The following TBX20 variants were observed in gnomAD, a reference collection of about 807,000 sequenced individuals.
TBX20 encodes the protein T-box transcription factor TBX20.
A neutral mutation model predicts 42.9 loss-of-function variants in TBX20; 8 were observed. The ratio of observed to expected loss-of-function variants is 0.19; its 90% CI spans 0.11 to 0.34. The LOEUF is 0.34. Among genes scored for constraint, TBX20 ranks in the 10% least tolerant of loss-of-function variants. The pLI is 1.00. For missense variants in TBX20, 411 were observed against 566.0 expected (o/e 0.73, Z 2.78); for synonymous variants, 198 against 222.8 (o/e 0.89, Z 0.99).
At chr7:35,240,701 A>G (rs1327052484) in intron 5 of TBX20, among the ~76,000 whole-genome samples, 178 bp downstream of exon 5, 5 of 150,996 alleles carry the variant, frequency 3.3e-5, no homozygotes, top group Non-Finnish European at 5.9e-5. Context: ...TCTAGAAACT[A>G]TAGTGTAATA....
chr7:35,253,696 C>T lies in TBX20; in HGVS notation c.-76G>A. 2 of 1,563,284 alleles carry T rather than the reference C, an allele frequency of 1.3e-6. No homozygotes were observed. The highest frequency in any genetic ancestry group is 8.6e-7 in the Non-Finnish European group (1 of 1,158,810). Reference sequence around the variant, plus strand: ...CCAGATTCCCCAAGGGAGACAAAGACCCGAAACACAGCTCAAAGTTTCCGA... The same window carrying T: ...CCAGATTCCCCAAGGGAGACAAAGATCCGAAACACAGCTCAAAGTTTCCGA... On this transcript the variant is annotated 5_prime_UTR_variant, in exon 1 of 8. Transcript: ENST00000408931.
At chr7:35,245,349 T>TGTGTG (rs1554287409) in intron 3 of TBX20, among the ~76,000 whole-genome samples, 1 of 151,398 alleles carries the variant, frequency 6.6e-6, no homozygotes, top group Non-Finnish European at 1.5e-5. Context: ...TGTGTGTGTG[T>TGTGTG]TTTCATCTAT....
At chr7:35,210,358 A>G (rs1584340861) in intron 6 of TBX20, among the ~76,000 whole-genome samples, 1 of 151,506 alleles carries the variant, frequency 6.6e-6, no homozygotes, top group African/African-American at 2.4e-5. Flanking sequence ...CTCATGATCC[A>G]CCTGCCTCAG....
intron 3 of TBX20, among the ~76,000 whole-genome samples, chr7:35,248,026 CAAGAGTAA>C (rs1790228744): frequency 6.6e-6 from 1 of 152,086 alleles, no homozygotes; most frequent in African/African-American, 2.4e-5. Context: ...ATGAATTTCA[CAAGAGTAA>C]ATATGCATGA....
At chr7:35,248,247 ATACT>A (rs1199014247) in intron 3 of TBX20, among the ~76,000 whole-genome samples, 2 of 152,224 alleles carry the variant, frequency 1.3e-5, no homozygotes, top group African/African-American at 2.4e-5. Context: ...TGATTAACAA[ATACT>A]TACTGTAAGC....
intron 5 of TBX20, among the ~76,000 whole-genome samples, chr7:35,233,783 C>G (rs567583586): frequency 3.1e-4 from 47 of 152,350 alleles, no homozygotes; most frequent in African/African-American, 1.1e-3. Flanking sequence ...CGTTCTACTT[C>G]TGCAGTACTT....
At chr7:35,229,637 T>C (rs1789834679) in intron 6 of TBX20, among the ~76,000 whole-genome samples, 1 of 152,222 alleles carries the variant, frequency 6.6e-6, no homozygotes, top group Non-Finnish European at 1.5e-5. Context: ...TCTGCCGTTG[T>C]AAAGAGCAGT....
rs1444818466 is a variant in TBX20 at position 35,253,743 on chromosome 7, G to A, written c.-123C>T. 3.8e-6 allele frequency: 5 copies of A among 1,324,512 alleles called. No individual in the cohort carries two copies. The highest frequency in any genetic ancestry group is 1.4e-5 in the South Asian group (1 of 71,878). 82.0% of individuals were successfully genotyped at this position (1,324,512 alleles called of 1,614,324 possible). On this transcript the variant is annotated 5_prime_UTR_variant, in exon 1 of 8. Transcript: ENST00000408931. ...CCGAGAGCAGTCACAGCGGGGCCAG[G>A]GACTCCAGAAGTGTCAGCTCCAACG...
intron 6 of TBX20, among the ~76,000 whole-genome samples, chr7:35,220,867 A>G (rs967104297): frequency 1.3e-5 from 2 of 152,268 alleles, no homozygotes; most frequent in Non-Finnish European, 2.9e-5. Flanking sequence ...AGATTTAAGA[A>G]GACCCTGTAT....
rs1297985199 is a variant in TBX20, at chr7:35,248,754, G to A, written c.468C>T (p.Asp156=). Residue 156 remains aspartate, a synonymous_variant, in exon 3 of 8, where the codon GAC becomes GAT. Transcript: ENST00000408931. ...GGTAGGCGTAGCGGTACCTCTTGTT[G>A]TCCACAGGGACGATGTCCATCAGGA... ...YIVLMDIVPV[D]NKRYRYAYHR... 5 of 1,614,124 alleles carry A rather than the reference G, an allele frequency of 3.1e-6. No homozygotes were observed. In the South Asian group the frequency reaches 5.5e-5, roughly 18 times the overall value.
intron 6 of TBX20, among the ~76,000 whole-genome samples, chr7:35,213,152 T>C (rs1235552501): frequency 6.6e-6 from 1 of 152,222 alleles, no homozygotes; most frequent in Admixed American, 6.5e-5. Flanking sequence ...TGTTGCCTGA[T>C]ATCCAGTGTC....
chr7:35,219,659 C>G (rs1452677656), intron 6 of TBX20, among the ~76,000 whole-genome samples: 1 of 152,244 alleles, frequency 6.6e-6, no homozygotes, highest in Non-Finnish European at 1.5e-5. Context: ...AACCAAACAC[C>G]ACTTTCTTTC....
intron 5 of TBX20, among the ~76,000 whole-genome samples, chr7:35,232,449 A>G (rs1789885150): frequency 6.6e-6 from 1 of 152,256 alleles, no homozygotes; most frequent in Non-Finnish European, 1.5e-5. Flanking sequence ...TGGAATTGTT[A>G]GAGCTGAAAG....
Position 35,253,784 on chromosome 7 carries a change from A to G in TBX20, c.-164T>C, listed in dbSNP as rs547525321. 3.5e-5 allele frequency: 29 copies of G among 825,440 alleles called. 1 individual carries two copies. The South Asian group carries it at 4.4e-4, about 13-fold the overall frequency. 51.1% of individuals were successfully genotyped at this position (825,440 alleles called of 1,614,324 possible). A position where few individuals can be genotyped will look rare whatever the true frequency, so the allele number is the denominator to read the frequency against. The stretch of plus-strand genomic sequence containing the variant: ...AGCTCCAACGACTCCAGAGCTGCAC[A>G]CTGGCCTCTATTCCCCACCGCAAAG... On this transcript the variant is annotated 5_prime_UTR_variant, in exon 1 of 8. Transcript: ENST00000408931.
chr7:35,237,929 G>T (rs1400453271), intron 5 of TBX20, among the ~76,000 whole-genome samples: 1 of 152,116 alleles, frequency 6.6e-6, no homozygotes, highest in African/African-American at 2.4e-5. Flanking sequence ...GTCTATCAGG[G>T]CCAAGAGCTG....
intron 1 of TBX20, among the ~76,000 whole-genome samples, chr7:35,252,694 G>A (rs1313928159): frequency 1.3e-5 from 2 of 152,148 alleles, no homozygotes; most frequent in East Asian, 1.9e-4. Flanking sequence ...GGGGATCCAC[G>A]AGGCAATGAT....
At chr7:35,225,419 A>C (rs2128712678) in intron 6 of TBX20, among the ~76,000 whole-genome samples, 1 of 152,296 alleles carries the variant, frequency 6.6e-6, no homozygotes, top group African/African-American at 2.4e-5. Flanking sequence ...GAGTCTTCAA[A>C]TTCTAGTGGT....
intron 4 of TBX20, among the ~76,000 whole-genome samples, chr7:35,243,761 C>T (rs73691657): frequency 3.6e-3 from 551 of 152,076 alleles, no homozygotes; most frequent in African/African-American, 0.013. Flanking sequence ...CTTTCTTTTT[C>T]AATACACAAA....
intron 7 of TBX20, among the ~76,000 whole-genome samples, chr7:35,203,405 G>A (rs904587053): frequency 3.3e-5 from 5 of 151,486 alleles, no homozygotes; most frequent in African/African-American, 1.2e-4. Flanking sequence ...TACAACCTCC[G>A]AGACAGCAAG....
Sources: allele counts gnomAD v4.1 joint callset (sites outside exome capture counted in the v4.1 genomes callset), GRCh38; gene constraint gnomAD v4.1.1; transcripts MANE v1.5; gene names NCBI Gene and HGNC (gene_info 2026-07-23, HGNC 2026-07-21).